The following DSCAM variants were observed in gnomAD, a reference collection of about 807,000 sequenced individuals.
DSCAM encodes the protein DS cell adhesion molecule.
DSCAM carries 47 observed loss-of-function variants against 217.7 expected under a neutral mutation model. The ratio of observed to expected loss-of-function variants is 0.22; its 90% CI spans 0.17 to 0.28. The LOEUF (loss-of-function observed/expected upper bound fraction) is 0.28. DSCAM is among the 10% of genes least tolerant of loss of function. The probability of loss-of-function intolerance (pLI) is 1.00; values close to 1 mark genes in which losing one functional copy is unlikely to be tolerated. For missense variants in DSCAM, 2,080 were observed against 2,618.3 expected (o/e 0.79, Z 4.49); for synonymous variants, 1,056 against 1,015.3 (o/e 1.04, Z -0.76).
At chr21:40,230,912 A>G (rs8130627) in intron 11 of DSCAM, among the ~76,000 whole-genome samples, 84,793 of 151,598 alleles carry the variant, frequency 0.56, 25,704 homozygotes, top group African/African-American at 0.81. Flanking sequence ...TCTTCCAGGT[A>G]CACAGATGTC....
chr21:40,457,989 G>A (rs1051595925), intron 3 of DSCAM, among the ~76,000 whole-genome samples: 1 of 152,080 alleles, frequency 6.6e-6, no homozygotes, highest in Non-Finnish European at 1.5e-5. Context: ...GTATGAATAT[G>A]TGCACACGAT....
chr21:40,214,911 T>C (rs1180174632), intron 11 of DSCAM, among the ~76,000 whole-genome samples: 2 of 151,968 alleles, frequency 1.3e-5, no homozygotes, highest in African/African-American at 2.4e-5. Flanking sequence ...CCTGTACACA[T>C]GTTTATCACA....
rs182889341 is a variant in DSCAM at position 40,324,966 on chromosome 21, A to G, written c.1784-12607T>C. On this transcript the variant is annotated intron_variant, in intron 8 of 32. Transcript: ENST00000400454. ...GTGACGACAACCAGGCTTAATAACA[A>G]AAGTAAACAAGATTCATAAAATCAC... Among the ~76,000 whole-genome samples the G allele has an allele frequency of 2.3e-3, 356 of 152,336 alleles. 4 individuals carry two copies. The highest frequency in any genetic ancestry group is 1.9e-3 in the Non-Finnish European group (129 of 68,026).
rs569002524 is a variant in DSCAM, at chr21:40,612,072, G to T, written c.508+80738C>A. Among the ~76,000 whole-genome samples the T allele has an allele frequency of 2.0e-5, 3 of 152,326 alleles. No individual in the cohort carries two copies. The East Asian group carries it at 5.8e-4, about 29-fold the overall frequency. On this transcript the variant is annotated intron_variant, in intron 3 of 32. Transcript: ENST00000400454. ...TGAGTCTGGTCAGCAGGAACATACA[G>T]GCTGTTTGGGGTGAGTGCTGGATTC...
chr21:40,577,058 T>G (rs1008191993), intron 3 of DSCAM, among the ~76,000 whole-genome samples: 1 of 151,496 alleles, frequency 6.6e-6, no homozygotes, highest in African/African-American at 2.4e-5. Flanking sequence ...TAGTGAAAAT[T>G]CTATGTGAAT....
chr21:40,017,551 A>G (rs1351140247), intron 32 of DSCAM, among the ~76,000 whole-genome samples: 1 of 134,996 alleles, frequency 7.4e-6, no homozygotes, highest in African/African-American at 3.0e-5. Flanking sequence ...CTAGACAATA[A>G]ATGGGCCATA....
At chr21:40,061,118 T>G (rs1163724315) in intron 28 of DSCAM, among the ~76,000 whole-genome samples, 1 of 152,172 alleles carries the variant, frequency 6.6e-6, no homozygotes, top group African/African-American at 2.4e-5. Context: ...GCCTTAAAAA[T>G]AATCCCAAAT....
chr21:40,233,515 G>A (rs904317724), intron 11 of DSCAM, among the ~76,000 whole-genome samples: 3 of 151,988 alleles, frequency 2.0e-5, no homozygotes, highest in Admixed American at 6.6e-5. Flanking sequence ...CACACAACAC[G>A]TAATATTGCA....
chr21:40,724,356 C>T (rs1364294381), intron 1 of DSCAM, among the ~76,000 whole-genome samples: 1 of 151,800 alleles, frequency 6.6e-6, no homozygotes, highest in African/African-American at 2.4e-5. Flanking sequence ...ATAGAACAAA[C>T]GAATGAAGAA....
At chr21:40,321,857 CCT>C (rs985321752) in intron 8 of DSCAM, among the ~76,000 whole-genome samples, 1 of 152,152 alleles carries the variant, frequency 6.6e-6, no homozygotes, top group African/African-American at 2.4e-5. Context: ...ACCTGACCCA[CCT>C]CTGTCCCCAC....
intron 3 of DSCAM, among the ~76,000 whole-genome samples, chr21:40,484,474 A>G (rs138018813): frequency 4.7e-4 from 71 of 152,338 alleles, no homozygotes; most frequent in African/African-American, 1.6e-3. Flanking sequence ...CTCTGTGGAT[A>G]GAATCTTCAA....
chr21:40,443,254 T>C (rs1569125823), intron 3 of DSCAM, among the ~76,000 whole-genome samples: 1 of 152,218 alleles, frequency 6.6e-6, no homozygotes, highest in Non-Finnish European at 1.5e-5. Flanking sequence ...TTAATTAACA[T>C]TTGTATTGCT....
rs1341843320 is a variant in DSCAM at position 40,534,889 on chromosome 21, T to C, written c.508+157921A>G. Among the ~76,000 whole-genome samples, 4 of 152,178 alleles carry C rather than the reference T, an allele frequency of 2.6e-5. No homozygotes were observed. In the East Asian group the frequency reaches 7.7e-4, roughly 29 times the overall value. On this transcript the variant is annotated intron_variant, in intron 3 of 32. Coordinates refer to ENST00000400454, the MANE Select transcript of DSCAM (RefSeq NM_001389.5). Reference sequence around the variant, plus strand: ...GCGGTTGTAATGATTTCTCCCAATATTACCTCTGTAATCTCTAAACTTACG... The same window carrying C: ...GCGGTTGTAATGATTTCTCCCAATACTACCTCTGTAATCTCTAAACTTACG...
chr21:40,409,524 G>T (rs1354502715), intron 3 of DSCAM, among the ~76,000 whole-genome samples: 1 of 152,158 alleles, frequency 6.6e-6, no homozygotes, highest in Non-Finnish European at 1.5e-5. Flanking sequence ...GAATCCTAGT[G>T]AGAGGTGGAC....
intron 1 of DSCAM, among the ~76,000 whole-genome samples, chr21:40,807,752 G>A (rs2091801006): frequency 6.6e-6 from 1 of 152,156 alleles, no homozygotes; most frequent in Admixed American, 6.5e-5. Flanking sequence ...GACAAGAGAA[G>A]AGAGAAAAAG....
At chr21:40,297,879 C>T (rs1001523984) in intron 9 of DSCAM, among the ~76,000 whole-genome samples, 1 of 152,122 alleles carries the variant, frequency 6.6e-6, no homozygotes, top group African/African-American at 2.4e-5. Flanking sequence ...TTTCTATTTC[C>T]TGTTGGGCAA....
At chr21:40,342,830 GCCTC>G (rs1387617289) in intron 6 of DSCAM, among the ~76,000 whole-genome samples, 2 of 137,976 alleles carry the variant, frequency 1.4e-5, no homozygotes, top group Non-Finnish European at 3.0e-5. Context: ...AAGGGCCTCA[GCCTC>G]CCAAAGGGCT....
intron 3 of DSCAM, among the ~76,000 whole-genome samples, chr21:40,673,601 C>G (rs932485979): frequency 4.6e-5 from 7 of 152,132 alleles, no homozygotes; most frequent in African/African-American, 1.7e-4. Context: ...TCATGTAGAA[C>G]TGTAATCCCT....
chr21:40,240,778 C>T (rs80184484), intron 11 of DSCAM, among the ~76,000 whole-genome samples: 43 of 152,254 alleles, frequency 2.8e-4, no homozygotes, highest in Non-Finnish European at 4.3e-4. Flanking sequence ...CCATTTGTGA[C>T]GAGTGCCACT....
Sources: gnomAD v4.1 joint callset for allele counts (sites outside exome capture counted in the v4.1 genomes callset) on GRCh38, gnomAD v4.1.1 for gene constraint, MANE v1.5 for transcripts, NCBI Gene and HGNC (gene_info 2026-07-23, HGNC 2026-07-21) for gene names.